The following SNX1 variants were observed in gnomAD, a reference collection of about 807,000 sequenced individuals.
SNX1 encodes the protein sorting nexin-1.
SNX1 carries 36 observed loss-of-function variants against 71.8 expected under a neutral mutation model. That is an observed-to-expected ratio of 0.50 (90% CI 0.38 to 0.66). The LOEUF (loss-of-function observed/expected upper bound fraction) is 0.66. SNX1 is among the 30% of genes least tolerant of loss of function. The pLI, the probability that SNX1 is intolerant of heterozygous loss-of-function variation, is 0.00. For missense variants in SNX1, 612 were observed against 646.7 expected, an observed-to-expected ratio of 0.95 and a Z score of 0.58; for synonymous variants, 254 against 240.7, an observed-to-expected ratio of 1.06 and a Z score of -0.51.
At chr15:64,109,280 C>T (rs374759640) in intron 1 of SNX1, among the ~76,000 whole-genome samples, 2 of 150,702 alleles carry the variant, frequency 1.3e-5, no homozygotes, top group East Asian at 2.0e-4. Context: ...GGCTGAGGCA[C>T]GAGATTGCTT....
At chr15:64,118,915 T>G (rs2081162152) in intron 4 of SNX1, 61 bp downstream of exon 4, 1 of 1,295,838 alleles carries the variant, frequency 7.7e-7, no homozygotes, top group African/African-American at 1.5e-5. Flanking sequence ...CATAGGTAGC[T>G]AATTTCAGGA....
chr15:64,120,951 A>G (rs1053347937), intron 4 of SNX1, among the ~76,000 whole-genome samples: 1 of 152,196 alleles, frequency 6.6e-6, no homozygotes, highest in Non-Finnish European at 1.5e-5. Context: ...CATCTAACAG[A>G]AAAGGAAATT....
At chr15:64,124,178 A>ATATATATATATGTATG (rs1445871067) in intron 5 of SNX1, among the ~76,000 whole-genome samples, 30 of 123,556 alleles carry the variant, frequency 2.4e-4, no homozygotes, top group African/African-American at 8.4e-4. Flanking sequence ...ATATATATAT[A>ATATATATATATGTATG]TGACTGTTTT....
intron 2 of SNX1, among the ~76,000 whole-genome samples, chr15:64,114,216 T>C (rs191524699): frequency 6.6e-6 from 1 of 152,258 alleles, no homozygotes; most frequent in African/African-American, 2.4e-5. Flanking sequence ...CCAGATAATT[T>C]TTCGAAGGTA....
intron 11 of SNX1, among the ~76,000 whole-genome samples, chr15:64,133,724 A>T (rs563385735): frequency 6.6e-6 from 1 of 152,346 alleles, no homozygotes; most frequent in East Asian, 1.9e-4. Flanking sequence ...GACAAGAGTG[A>T]AACTCCGTCT....
chr15:64,101,956 T>C (rs2080966438), intron 1 of SNX1, among the ~76,000 whole-genome samples: 1 of 152,220 alleles, frequency 6.6e-6, no homozygotes, highest in African/African-American at 2.4e-5. Context: ...ATTATCCTGA[T>C]TTGATCATTG....
Position 64,129,044 on chromosome 15 carries a change from C to A in SNX1, c.808-872C>A, listed in dbSNP as rs1162983232. ...GGAGGATCACCTGAGGTCAGGAGTT[C>A]GAGACCAGCCTGGCCAACATGGCAA... On this transcript the variant is annotated intron_variant, in intron 8 of 14. Transcript: ENST00000559844. This position sits in a 1 kb window ranked among gnomAD's most constrained non-coding sequence, Gnocchi z 4.4. 6.6e-6 allele frequency among the ~76,000 whole-genome samples: 1 copy of A among 151,904 alleles called. No homozygotes were observed. Among genetic ancestry groups the A allele is most frequent in the African/African-American group, 2.4e-5 (1 of 41,318 alleles).
At chr15:64,113,278 G>A (rs1177594271) in intron 2 of SNX1, among the ~76,000 whole-genome samples, 1 of 152,098 alleles carries the variant, frequency 6.6e-6, no homozygotes, top group East Asian at 1.9e-4. Flanking sequence ...TTAACATTTT[G>A]GGCTGGATAA....
intron 2 of SNX1, among the ~76,000 whole-genome samples, chr15:64,113,455 G>A (rs2140140787): frequency 6.6e-6 from 1 of 152,210 alleles, no homozygotes; most frequent in South Asian, 2.1e-4. Flanking sequence ...CTGTACACAG[G>A]ACAGGCCCTC....
At chr15:64,102,771 T>C (rs1371803813) in intron 1 of SNX1, among the ~76,000 whole-genome samples, 4 of 142,494 alleles carry the variant, frequency 2.8e-5, no homozygotes, top group Non-Finnish European at 6.1e-5. Flanking sequence ...CTTTTTTTTT[T>C]TTTTTTTTTT....
chr15:64,128,394 T>C lies in SNX1; in HGVS notation c.807+588T>C, dbSNP rs151223403. ...GAATTACAAAATTTGAAACATGAAA[T>C]AGCATATAAATACAGCTGTAGAAAC... On this transcript the variant is annotated intron_variant, in intron 8 of 14. Transcript: ENST00000559844. 5.1e-4 allele frequency among the ~76,000 whole-genome samples: 77 copies of C among 152,252 alleles called. 1 individual carries two copies. Among genetic ancestry groups the C allele is most frequent in the African/African-American group, 1.8e-3 (74 of 41,558 alleles).
intron 1 of SNX1, among the ~76,000 whole-genome samples, chr15:64,111,300 T>G (rs1304283783): frequency 6.6e-6 from 1 of 152,254 alleles, no homozygotes; most frequent in South Asian, 2.1e-4. Flanking sequence ...ACAGGACCAC[T>G]ATCTCTAATA....
At chr15:64,122,256 AAACTT>A (rs1332344855) in intron 4 of SNX1, among the ~76,000 whole-genome samples, 1 of 151,080 alleles carries the variant, frequency 6.6e-6, no homozygotes, top group East Asian at 1.9e-4. Context: ...TCTATAAAAT[AAACTT>A]AGATTTCTTT....
intron 4 of SNX1, among the ~76,000 whole-genome samples, chr15:64,120,266 C>CTTTTGTTTTTTTT (rs2081182738): frequency 1.5e-5 from 1 of 67,090 alleles, no homozygotes; most frequent in African/African-American, 5.7e-5. Flanking sequence ...AAATGGTTGT[C>CTTTTGTTTTTTTT]TTTTTTTTTT....
Position 64,139,771 on chromosome 15 carries a change from T to G in SNX1, c.*2153T>G, listed in dbSNP as rs2081395675. On this transcript the variant is annotated 3_prime_UTR_variant, in exon 15 of 15. Transcript: ENST00000559844. ...AGCCATTCTTTTACCTTGTGCAGGA[T>G]CATGTTACATTTGTAAACGTGTGTC... The G allele has an allele frequency of 6.6e-6, 1 of 152,236 alleles. No individual in the cohort carries two copies. Among genetic ancestry groups the G allele is most frequent in the Non-Finnish European group, 1.5e-5 (1 of 68,058 alleles). The allele number at this position is 152,236 out of a possible 1,614,324, so 9.4% of individuals were successfully genotyped here. A position where few individuals can be genotyped will look rare whatever the true frequency, so the allele number is the denominator to read the frequency against.
chr15:64,133,387 C>T (rs1032342408), intron 11 of SNX1, among the ~76,000 whole-genome samples: 18 of 152,142 alleles, frequency 1.2e-4, no homozygotes, highest in African/African-American at 4.3e-4. Flanking sequence ...CATTGCATTC[C>T]CTAAGGTTCA....
intron 1 of SNX1, among the ~76,000 whole-genome samples, chr15:64,107,903 T>C (rs1384307307): frequency 6.6e-6 from 1 of 152,148 alleles, no homozygotes; most frequent in Non-Finnish European, 1.5e-5. Context: ...TTTAAAAATA[T>C]GGGTTATTGG....
intron 2 of SNX1, among the ~76,000 whole-genome samples, chr15:64,114,630 C>A (rs1202700526): frequency 3.3e-5 from 5 of 152,016 alleles, no homozygotes; most frequent in Admixed American, 6.6e-5. Context: ...TGAACGAGAT[C>A]CTCAAAAGAG....
chr15:64,110,515 G>C (rs934567079), intron 1 of SNX1, among the ~76,000 whole-genome samples: 3 of 152,196 alleles, frequency 2.0e-5, no homozygotes, highest in Non-Finnish European at 4.4e-5. Flanking sequence ...TCCCACCTCA[G>C]CCTCCAGAGT....
Sources: allele counts gnomAD v4.1 joint callset (sites outside exome capture counted in the v4.1 genomes callset), GRCh38; gene constraint gnomAD v4.1.1; non-coding constraint Gnocchi (gnomAD v3.1); transcripts MANE v1.5; gene names NCBI Gene and HGNC (gene_info 2026-07-23, HGNC 2026-07-21).